Variants in CCBE1 observed in about 807,000 individuals in gnomAD.
CCBE1 encodes the protein collagen and calcium-binding EGF domain-containing protein 1.
Under a neutral mutation model 50.0 loss-of-function variants are expected in CCBE1, and 37 were observed. The ratio of observed to expected loss-of-function variants is 0.74; its 90% CI spans 0.57 to 0.97. CCBE1 has a LOEUF of 0.97. Ranked by LOEUF, CCBE1 falls within the 50% of genes least tolerant of loss-of-function variation. CCBE1 has a pLI of 0.00. For missense variants in CCBE1, 538 were observed against 523.8 expected (o/e 1.03, Z -0.26); for synonymous variants, 234 against 203.7 (o/e 1.15, Z -1.27).
intron 2 of CCBE1, among the ~76,000 whole-genome samples, chr18:59,515,360 C>T (rs1914324018): frequency 1.3e-5 from 2 of 152,216 alleles, no homozygotes; most frequent in South Asian, 4.1e-4. Context: ...CAGGCATGTA[C>T]TAAGCACTGT....
At chr18:59,650,532 G>C (rs1365008754) in intron 2 of CCBE1, among the ~76,000 whole-genome samples, 1 of 151,732 alleles carries the variant, frequency 6.6e-6, no homozygotes. Flanking sequence ...TCGTTTCAGA[G>C]AAGACCTCAG....
At chr18:59,681,020 T>TCA (rs1028596239) in intron 2 of CCBE1, among the ~76,000 whole-genome samples, 2 of 147,958 alleles carry the variant, frequency 1.4e-5, no homozygotes, top group Non-Finnish European at 3.0e-5. Context: ...AAGAGAAGCC[T>TCA]CATCCTTTTA....
chr18:59,635,833 C>T (rs1195250335), intron 2 of CCBE1, among the ~76,000 whole-genome samples: 1 of 151,794 alleles, frequency 6.6e-6, no homozygotes, highest in Non-Finnish European at 1.5e-5. Context: ...ATCAGAAATG[C>T]CAATAGAGTT....
chr18:59,627,555 A>C (rs943162809), intron 2 of CCBE1, among the ~76,000 whole-genome samples: 1 of 152,204 alleles, frequency 6.6e-6, no homozygotes, highest in Admixed American at 6.5e-5. Context: ...ATGAGGTCAC[A>C]CTGGCTTAGA....
chr18:59,530,221 C>A (rs1914995347), intron 2 of CCBE1, among the ~76,000 whole-genome samples: 1 of 152,046 alleles, frequency 6.6e-6, no homozygotes, highest in Non-Finnish European at 1.5e-5. Flanking sequence ...AAGAAGACAG[C>A]CCCATGGGGA....
rs946540035 is a variant in CCBE1 at position 59,467,024 on chromosome 18, G to C, written c.401-133C>G. On this transcript the variant is annotated intron_variant, in intron 4 of 10. Coordinates refer to ENST00000439986, the MANE Select transcript of CCBE1 (RefSeq NM_133459.4). ...GGCCGACCTTGATCAGAGCAGCCTG[G>C]AATAAAGTAGGGAGCTAGAAATGTG... 7.9e-6 allele frequency: 6 copies of C among 762,060 alleles called. No individual in the cohort carries two copies. The African/African-American group carries it at 8.5e-5, about 11-fold the overall frequency. 47.2% of individuals were successfully genotyped at this position (762,060 alleles called of 1,614,324 possible).
At chr18:59,457,990 G>T (rs576175144) in intron 5 of CCBE1, among the ~76,000 whole-genome samples, 1 of 152,320 alleles carries the variant, frequency 6.6e-6, no homozygotes, top group East Asian at 1.9e-4. Context: ...GATGACCCAG[G>T]CTCCAGGTTT....
intron 2 of CCBE1, among the ~76,000 whole-genome samples, chr18:59,506,845 T>C (rs985954905): frequency 2.0e-5 from 3 of 152,192 alleles, no homozygotes; most frequent in African/African-American, 7.2e-5. Context: ...AACTGGAAAG[T>C]ATCAACCTAA....
chr18:59,610,950 G>A (rs954377490), intron 2 of CCBE1, among the ~76,000 whole-genome samples: 3 of 152,258 alleles, frequency 2.0e-5, no homozygotes, highest in African/African-American at 7.2e-5. Flanking sequence ...ACAGTCAACT[G>A]AGATGCCCCA....
intron 3 of CCBE1, among the ~76,000 whole-genome samples, chr18:59,478,586 T>C (rs1218374969): frequency 6.6e-6 from 1 of 152,228 alleles, no homozygotes; most frequent in East Asian, 1.9e-4. Flanking sequence ...GGTGCTGTAG[T>C]CTCTTTAGGA....
At chr18:59,576,422 A>G (rs1318764222) in intron 2 of CCBE1, among the ~76,000 whole-genome samples, 1 of 152,236 alleles carries the variant, frequency 6.6e-6, no homozygotes, top group African/African-American at 2.4e-5. Context: ...TCAGGAAAAT[A>G]TTCAAGTCTG....
intron 2 of CCBE1, among the ~76,000 whole-genome samples, chr18:59,561,993 C>CTTCATT (rs1405681652): frequency 6.6e-6 from 1 of 152,194 alleles, no homozygotes; most frequent in Non-Finnish European, 1.5e-5. Flanking sequence ...TCCCCTCAGA[C>CTTCATT]TTCAGCAGGA....
intron 2 of CCBE1, among the ~76,000 whole-genome samples, chr18:59,588,153 T>C (rs1481264436): frequency 3.9e-5 from 6 of 152,236 alleles, no homozygotes; most frequent in Non-Finnish European, 8.8e-5. Flanking sequence ...AGATTAACTT[T>C]TGGTTTTTGA....
chr18:59,522,520 G>A (rs1362692170), intron 2 of CCBE1, among the ~76,000 whole-genome samples: 1 of 152,178 alleles, frequency 6.6e-6, no homozygotes, highest in Non-Finnish European at 1.5e-5. Context: ...GCGTGACTGG[G>A]ATCATAGTGG....
chr18:59,585,328 T>C (rs934302252), intron 2 of CCBE1, among the ~76,000 whole-genome samples: 2 of 151,014 alleles, frequency 1.3e-5, no homozygotes, highest in Non-Finnish European at 3.0e-5. Context: ...GAAATCACAA[T>C]GGCCATTTTA....
At chr18:59,670,803 A>C (rs573267788) in intron 2 of CCBE1, among the ~76,000 whole-genome samples, 1 of 151,934 alleles carries the variant, frequency 6.6e-6, no homozygotes, top group Non-Finnish European at 1.5e-5. Context: ...CAAAAATTAG[A>C]TGGGTGTGGT....
intron 6 of CCBE1, among the ~76,000 whole-genome samples, chr18:59,450,640 T>C (rs899637144): frequency 1.3e-5 from 2 of 152,204 alleles, no homozygotes; most frequent in Admixed American, 1.3e-4. Context: ...TTCAAGTGAT[T>C]CTCCTGCCTC....
chr18:59,545,711 A>G (rs1915654940), intron 2 of CCBE1, among the ~76,000 whole-genome samples: 1 of 152,196 alleles, frequency 6.6e-6, no homozygotes, highest in Admixed American at 6.5e-5. Context: ...GATAATTTGA[A>G]TCATGAGGGC....
chr18:59,551,370 G>C (rs866698452), intron 2 of CCBE1, among the ~76,000 whole-genome samples: 1 of 152,166 alleles, frequency 6.6e-6, no homozygotes, highest in Non-Finnish European at 1.5e-5. Flanking sequence ...CTGCAGAACC[G>C]GAAGAATCTC....
Sources: allele counts gnomAD v4.1 joint callset (sites outside exome capture counted in the v4.1 genomes callset), GRCh38; gene constraint gnomAD v4.1.1; transcripts MANE v1.5; gene names NCBI Gene and HGNC (gene_info 2026-07-23, HGNC 2026-07-21).